The following NCAN variants were observed in gnomAD, a reference collection of about 807,000 sequenced individuals.
NCAN encodes the protein neurocan, also known as neurocan core protein.
In NCAN, 47 loss-of-function variants were observed where a neutral mutation model predicts 121.8. The ratio of observed to expected loss-of-function variants is 0.39; its 90% confidence interval spans 0.31 to 0.49. NCAN has a LOEUF of 0.49. Among genes scored for constraint, NCAN ranks in the 20% least tolerant of loss-of-function variants. The pLI is 0.92. For synonymous variants in NCAN, 633 were observed against 702.0 expected, an observed-to-expected ratio of 0.90 and a Z score of 1.55; for missense variants, 1,517 against 1,773.4, an observed-to-expected ratio of 0.86 and a Z score of 2.60.
intron 3 of NCAN, among the ~76,000 whole-genome samples, chr19:19,219,765 C>T (rs1007179404): frequency 2.0e-5 from 3 of 149,742 alleles, no homozygotes; most frequent in African/African-American, 7.4e-5. Context: ...TTTATGGTGC[C>T]TATAATCTGA....
intron 8 of NCAN, among the ~76,000 whole-genome samples, chr19:19,231,345 T>C (rs1452563016): frequency 6.6e-6 from 1 of 151,244 alleles, no homozygotes. Flanking sequence ...TTTTTTTTTT[T>C]TGAGAGAGAG....
chr19:19,243,840 A>G (rs760953778), intron 12 of NCAN, among the ~76,000 whole-genome samples: 5 of 152,144 alleles, frequency 3.3e-5, no homozygotes, highest in Non-Finnish European at 5.9e-5. Context: ...AGCCTGGCCA[A>G]CATGGTGAAA....
chr19:19,250,157 T>A lies in NCAN; in HGVS notation c.*246T>A, dbSNP rs779172008. 9 of 656,734 alleles carry A rather than the reference T, an allele frequency of 1.4e-5. No homozygotes were observed. Among genetic ancestry groups the A allele is most frequent in the Non-Finnish European group, 2.5e-5 (9 of 356,028 alleles). 40.7% of individuals were successfully genotyped at this position (656,734 alleles called of 1,614,324 possible). ...CTCGTCTGGCTGAACTCTGGGAGTG[T>A]GTCCCAGCTGAGGGAAGCACAAGTA... On this transcript the variant is annotated 3_prime_UTR_variant, in exon 15 of 15. Coordinates refer to ENST00000252575, the MANE Select transcript of NCAN (RefSeq NM_004386.3).
chr19:19,245,729 C>T (rs1466854883), intron 13 of NCAN, among the ~76,000 whole-genome samples: 1 of 152,092 alleles, frequency 6.6e-6, no homozygotes, highest in Non-Finnish European at 1.5e-5. Context: ...CTGCCTGTCT[C>T]AGCCTCTCGA....
chr19:19,212,919 C>T lies in NCAN; in HGVS notation c.-8+855C>T, dbSNP rs2060780685. Reference sequence around the variant, plus strand: ...ATGACACAGACCCCTACCCCCACCCCCTTTAGTTCCACCTGTCCATATGGA... The same window carrying T: ...ATGACACAGACCCCTACCCCCACCCTCTTTAGTTCCACCTGTCCATATGGA... On this transcript the variant is annotated intron_variant, in intron 1 of 14. Transcript: ENST00000252575. This position sits in a 1 kb window ranked among gnomAD's most constrained non-coding sequence, Gnocchi z 4.5. 6.6e-6 allele frequency among the ~76,000 whole-genome samples: 1 copy of T among 152,196 alleles called. No individual in the cohort carries two copies. Among genetic ancestry groups the T allele is most frequent in the South Asian group, 2.1e-4 (1 of 4,832 alleles).
intron 1 of NCAN, 47 bp from the exon 2 acceptor site, chr19:19,216,900 G>T: frequency 8.8e-7 from 1 of 1,140,254 alleles, no homozygotes; most frequent in Non-Finnish European, 1.2e-6. Context: ...ATATCTGGGA[G>T]GGTTGGGCTG....
Position 19,227,085 on chromosome 19 carries a change from T to C in NCAN, c.1660+12T>C, listed in dbSNP as rs1599813220. The C allele has an allele frequency of 3.3e-6, 5 of 1,506,388 alleles. No individual in the cohort carries two copies. 93.3% of individuals were successfully genotyped at this position (1,506,388 alleles called of 1,614,324 possible). ...TATGCCTGGAGCTGGTGAGTTGCTCTGGGGGAGGCGGGACCTACCTGGGGA... is the reference window on the plus strand; with the variant it reads ...TATGCCTGGAGCTGGTGAGTTGCTCCGGGGGAGGCGGGACCTACCTGGGGA... On this transcript the variant is annotated intron_variant, in intron 7 of 14. Coordinates refer to ENST00000252575, the MANE Select transcript of NCAN (RefSeq NM_004386.3). This position sits in a 1 kb window ranked among gnomAD's most constrained non-coding sequence, Gnocchi z 4.2.
At chr19:19,229,185 G>A (rs917686567) in intron 8 of NCAN, among the ~76,000 whole-genome samples, 6 of 152,200 alleles carry the variant, frequency 3.9e-5, no homozygotes, top group African/African-American at 1.4e-4. Flanking sequence ...TTCCAGCCTG[G>A]GTGACAGAGT....
In NCAN at chr19:19,212,784, TG is replaced by T. The variant is rs1227196695; in HGVS notation, c.-8+725del. On this transcript the variant is annotated intron_variant, in intron 1 of 14. Transcript: ENST00000252575. The surrounding 1 kb of genome is among the most constrained non-coding windows in gnomAD (Gnocchi z 4.5). ...CTGGGTGTCCCAGGTGAATGTTGGG[TG>T]GGGGTCCCCTAGACCCCCCAGCTAT... is the stretch of plus-strand genomic sequence containing the variant. 1.3e-5 allele frequency among the ~76,000 whole-genome samples: 2 copies of T among 152,102 alleles called. No individual in the cohort carries two copies. The highest frequency in any genetic ancestry group is 2.4e-5 in the African/African-American group (1 of 41,412).
At position 19,245,293 on chromosome 19, in the gene NCAN, C is replaced by G. The variant is rs1451708354; in HGVS notation, c.3493-20C>G. 1 of 1,613,154 alleles carries G rather than the reference C, an allele frequency of 6.2e-7. No homozygotes were observed. The highest frequency in any genetic ancestry group is 8.5e-7 in the Non-Finnish European group (1 of 1,179,428). ...GGAACAGAGGTCCCCTGAACAACTC[C>G]CTGCCCCCTATTCCTGCAGCAATTT... On this transcript the variant is annotated intron_variant, in intron 12 of 14. Transcript: ENST00000252575.
Position 19,228,251 on chromosome 19 carries a change from G to A in NCAN, c.2631G>A (p.Glu877=), listed in dbSNP as rs748131095. Residue 877 remains glutamate, a synonymous_variant, in exon 8 of 15, where the codon GAG becomes GAA. Coordinates refer to ENST00000252575, the MANE Select transcript of NCAN (RefSeq NM_004386.3). ...TTGTGACGCCCCTCACGACCCTGGA[G>A]CAGGGGGACAAGGTTGGAGTTCCAG... ...TSIVTPLTTL[E]QGDKVGVPAM... is the part of the protein sequence containing the mutation. 10 of 1,613,862 alleles carry A rather than the reference G, an allele frequency of 6.2e-6. No individual in the cohort carries two copies. The highest frequency in any genetic ancestry group is 1.7e-5 in the Admixed American group (1 of 60,002).
At chr19:19,235,532 A>C (rs940770989) in intron 10 of NCAN, among the ~76,000 whole-genome samples, 6 of 151,686 alleles carry the variant, frequency 4.0e-5, no homozygotes, top group African/African-American at 1.5e-4. Context: ...TTGGCATCCC[A>C]AAGTGCTGGA....
chr19:19,228,742 ATCTGGAAGCTT>A, intron 8 of NCAN, 103 bp downstream of exon 8: 1 of 1,321,960 alleles, frequency 7.6e-7, no homozygotes, highest in Non-Finnish European at 1.0e-6. Context: ...GTCCCTGGGG[ATCTGGAAGCTT>A]TCTAGTGGGG....
Position 19,248,738 on chromosome 19 carries a change from C to T in NCAN, c.3676C>T (p.Leu1226Phe), listed in dbSNP as rs747509073. Residue 1226 changes from leucine (L) to phenylalanine (F), a missense_variant, in exon 14 of 15, where the codon CTC (leucine) becomes TTC (phenylalanine). By Grantham distance (22) the Leu-to-Phe change is conservative (BLOSUM62 0). Transcript: ENST00000252575. ...CCCTCCGGCAGTGGAGAATGCCTCA[C>T]TCATCGGTGCCCGCAAGGCCAAGTA... is the stretch of plus-strand genomic sequence containing the variant. The part of the protein sequence containing the change: ...GPPPAVENAS[L>F]IGARKAKYNV... 1 of 1,614,210 alleles carries T rather than the reference C, an allele frequency of 6.2e-7. No homozygotes were observed. The highest frequency in any genetic ancestry group is 8.5e-7 in the Non-Finnish European group (1 of 1,180,026).
In NCAN at chr19:19,226,836, C is replaced by G; in HGVS notation, c.1423C>G (p.Pro475Ala). The G allele has an allele frequency of 6.2e-7, 1 of 1,613,202 alleles. No individual in the cohort carries two copies. Among genetic ancestry groups the G allele is most frequent in the Non-Finnish European group, 8.5e-7 (1 of 1,179,932 alleles). Residue 475 changes from proline to alanine, a missense_variant, in exon 7 of 15, where the codon CCT (proline) becomes GCT (alanine). Pro to Ala is a conservative substitution (Grantham distance 27, BLOSUM62 -1). Transcript: ENST00000252575. ...ACACACGGAGGTGGCCCCAACTGACCCTATGCCTAGGAGAAGGGGGCGCTT... is the reference window on the plus strand; with the variant it reads ...ACACACGGAGGTGGCCCCAACTGACGCTATGCCTAGGAGAAGGGGGCGCTT... ...SSHTEVAPTD[P>A]MPRRRGRFKG... is the part of the protein sequence containing the mutation.
intron 13 of NCAN, among the ~76,000 whole-genome samples, chr19:19,246,697 A>AT (rs927188049): frequency 6.6e-4 from 98 of 148,440 alleles, no homozygotes; most frequent in Admixed American, 8.8e-4. Context: ...CACCTGGCTA[A>AT]TTTTTTTTTT....
chr19:19,251,880 T>A lies in NCAN; in HGVS notation c.*1969T>A, dbSNP rs1247547535. The A allele has an allele frequency of 1.3e-5, 2 of 150,658 alleles. No individual in the cohort carries two copies. The highest frequency in any genetic ancestry group is 4.0e-4 in the East Asian group (2 of 5,050). The allele number at this position is 150,658 out of a possible 1,614,324, so 9.3% of individuals were successfully genotyped here. A position where few individuals can be genotyped will look rare whatever the true frequency, so the allele number is the denominator to read the frequency against. ...TGGTCATCTATGTCACACAAAAATTTTCCTTTGTTTGCGGGGGGCTGGGGA... is the reference window on the plus strand; with the variant it reads ...TGGTCATCTATGTCACACAAAAATTATCCTTTGTTTGCGGGGGGCTGGGGA... On this transcript the variant is annotated 3_prime_UTR_variant, in exon 15 of 15. Coordinates refer to ENST00000252575, the MANE Select transcript of NCAN (RefSeq NM_004386.3).
chr19:19,227,720 C>T lies in NCAN; in HGVS notation c.2100C>T (p.Ser700=), dbSNP rs1266471483. 1.2e-6 allele frequency: 2 copies of T among 1,613,914 alleles called. No homozygotes were observed. Among genetic ancestry groups the T allele is most frequent in the South Asian group, 1.1e-5 (1 of 91,078 alleles). Residue 700 remains serine, a synonymous_variant, in exon 8 of 15, where the codon TCC becomes TCT. Transcript: ENST00000252575. This position sits in a 1 kb window ranked among gnomAD's most constrained non-coding sequence, Gnocchi z 4.2. ...AGGCCATGCCCACAACACCTGAGTC[C>T]CCCAGGGCAGACTTCAGAGAAACTG... ...GGEAMPTTPE[S]PRADFRETGE...
At position 19,225,717 on chromosome 19, in the gene NCAN, G is replaced by C. The variant is rs2060834228; in HGVS notation, c.1072+447G>C. Among the ~76,000 whole-genome samples the C allele has an allele frequency of 6.6e-6, 1 of 152,180 alleles. No homozygotes were observed. The highest frequency in any genetic ancestry group is 2.4e-5 in the African/African-American group (1 of 41,450). Reference sequence around the variant, plus strand: ...CACTCGCCCTTGTTGGGGGGCAGTGGGGACAGCTTTGGAAGCTGCAAGCAT... The same window carrying C: ...CACTCGCCCTTGTTGGGGGGCAGTGCGGACAGCTTTGGAAGCTGCAAGCAT... On this transcript the variant is annotated intron_variant, in intron 6 of 14. Coordinates refer to ENST00000252575, the MANE Select transcript of NCAN (RefSeq NM_004386.3). The surrounding 1 kb of genome is among the most constrained non-coding windows in gnomAD (Gnocchi z 4.0).
Sources: allele counts gnomAD v4.1 joint callset (sites outside exome capture counted in the v4.1 genomes callset), GRCh38; gene constraint gnomAD v4.1.1; non-coding constraint Gnocchi (gnomAD v3.1); transcripts MANE v1.5; gene names NCBI Gene and HGNC (gene_info 2026-07-23, HGNC 2026-07-21).